The following FCRL4 variants were observed in gnomAD, a reference collection of about 807,000 sequenced individuals.
FCRL4 encodes the protein Fc receptor like 4.
A neutral mutation model predicts 64.1 loss-of-function variants in FCRL4; 43 were observed. That is an observed-to-expected ratio of 0.67 (90% confidence interval 0.53 to 0.87). FCRL4 has a LOEUF of 0.87. Ranked by LOEUF, FCRL4 falls within the 40% of genes least tolerant of loss-of-function variation. FCRL4 has a pLI of 0.00. For missense variants in FCRL4, 656 were observed against 613.5 expected, an observed-to-expected ratio of 1.07 and a Z score of -0.73; for synonymous variants, 253 against 239.8, an observed-to-expected ratio of 1.05 and a Z score of -0.51.
chr1:157,575,478 A>C lies in FCRL4; in HGVS notation c.*46T>G, dbSNP rs1652380998. 6.8e-7 allele frequency: 1 copy of C among 1,460,272 alleles called. No homozygotes were observed. Among genetic ancestry groups the C allele is most frequent in the South Asian group, 1.2e-5 (1 of 86,176 alleles). The allele number at this position is 1,460,272 out of a possible 1,614,324, so 90.5% of individuals were successfully genotyped here. ...TGCACTGGGCCTGGGACTTTGGACA[A>C]GGGAGAAATCACATGAGTAGGACGT... On this transcript the variant is annotated 3_prime_UTR_variant, in exon 12 of 12. Coordinates refer to ENST00000271532, the MANE Select transcript of FCRL4 (RefSeq NM_031282.3).
chr1:157,597,973 G>A lies in FCRL4; in HGVS notation c.-29C>T, dbSNP rs1163429502. 2 of 1,604,816 alleles carry A rather than the reference G, an allele frequency of 1.2e-6. No individual in the cohort carries two copies. On this transcript the variant is annotated 5_prime_UTR_variant, in exon 1 of 12. Coordinates refer to ENST00000271532, the MANE Select transcript of FCRL4 (RefSeq NM_031282.3). ...AGCCTGCTCCAGGATTGGAGAAGGA[G>A]TTCTGAGGAGACAAGCCAGGTCAGC... is the stretch of plus-strand genomic sequence containing the variant.
At chr1:157,585,286 C>CTCTT (rs976813226) in intron 6 of FCRL4, among the ~76,000 whole-genome samples, 7 of 148,300 alleles carry the variant, frequency 4.7e-5, no homozygotes, top group Non-Finnish European at 1.0e-4. Flanking sequence ...CTTCCTTTCC[C>CTCTT]TCTTTCTTTC....
intron 10 of FCRL4, among the ~76,000 whole-genome samples, chr1:157,577,803 A>G (rs1434086682): frequency 1.3e-5 from 2 of 152,210 alleles, no homozygotes; most frequent in Non-Finnish European, 2.9e-5. Flanking sequence ...ACTACCAGAA[A>G]AGAACAGGCA....
chr1:157,591,388 A>C (rs1279443583), intron 2 of FCRL4, among the ~76,000 whole-genome samples: 1 of 152,170 alleles, frequency 6.6e-6, no homozygotes, highest in Non-Finnish European at 1.5e-5. Flanking sequence ...TAAACCTAAC[A>C]TAGATAGAGG....
In FCRL4 at chr1:157,578,726, C is replaced by T. The variant is rs373976360; in HGVS notation, c.1360+44G>A. 2.5e-6 allele frequency: 4 copies of T among 1,591,394 alleles called. No homozygotes were observed. In the African/African-American group the frequency reaches 5.4e-5, roughly 21 times the overall value. ...CCAGGGCTGAAAGCGCATTATCTTT[C>T]CATGGCTGAGGCCAGGAACAGCTTC... On this transcript the variant is annotated intron_variant, in intron 9 of 11. Coordinates refer to ENST00000271532, the MANE Select transcript of FCRL4 (RefSeq NM_031282.3).
Position 157,589,344 on chromosome 1 carries a change from G to A in FCRL4, c.167C>T (p.Thr56Ile), listed in dbSNP as rs749120669. The A allele has an allele frequency of 6.8e-6, 11 of 1,614,092 alleles. No homozygotes were observed. The highest frequency in any genetic ancestry group is 1.1e-5 in the South Asian group (1 of 91,086). ...TCCCCAGTAGTGCCGATGATACCATGTTGTTTTCTCTGTTGCATAGAACTG... is the reference window on the plus strand; with the variant it reads ...TCCCCAGTAGTGCCGATGATACCATATTGTTTTCTCTGTTGCATAGAACTG... Reference protein sequence around the residue: ...GFQFYATEKTTWYHRHYWGEK... With the variant: ...GFQFYATEKTIWYHRHYWGEK... The change falls in exon 3 of 12, where the codon ACA (threonine) becomes ATA (isoleucine). Residue 56 changes from threonine (T) to isoleucine (I), a missense_variant. By Grantham distance (89) the Thr-to-Ile change is moderately conservative (BLOSUM62 -1). Transcript: ENST00000271532.
intron 6 of FCRL4, among the ~76,000 whole-genome samples, chr1:157,583,549 G>T (rs569430948): frequency 6.6e-6 from 1 of 152,186 alleles, no homozygotes; most frequent in Non-Finnish European, 1.5e-5. Context: ...ACACCAGAAA[G>T]GTTGTGCTGC....
chr1:157,579,586 T>C (rs1238608409), intron 8 of FCRL4, among the ~76,000 whole-genome samples: 1 of 151,922 alleles, frequency 6.6e-6, no homozygotes, highest in Non-Finnish European at 1.5e-5. Context: ...ATGTGGTGGC[T>C]CATGCCTGTA....
intron 8 of FCRL4, 130 bp downstream of exon 8, chr1:157,580,191 G>T: frequency 2.1e-6 from 2 of 958,352 alleles, no homozygotes; most frequent in Non-Finnish European, 3.3e-6. Context: ...ACAAATTCAT[G>T]GAGTGTGAAA....
At position 157,597,898 on chromosome 1, in the gene FCRL4, C is replaced by T. The variant is rs531443724; in HGVS notation, c.31+16G>A. ...TCAGCTTTGCAGCAAGCAAAGGTCTCCTCCCCATCACTTACCAAAGGCCAG... is the reference window on the plus strand; with the variant it reads ...TCAGCTTTGCAGCAAGCAAAGGTCTTCTCCCCATCACTTACCAAAGGCCAG... On this transcript the variant is annotated intron_variant, in intron 1 of 11. Transcript: ENST00000271532. The T allele has an allele frequency of 5.0e-6, 8 of 1,611,624 alleles. No homozygotes were observed. The South Asian group carries it at 5.5e-5, about 11-fold the overall frequency.
intron 1 of FCRL4, among the ~76,000 whole-genome samples, chr1:157,597,004 G>T (rs1385008580): frequency 6.6e-6 from 1 of 152,168 alleles, no homozygotes; most frequent in Admixed American, 6.5e-5. Context: ...TGTAGCCAGG[G>T]CTTAGCACAA....
intron 10 of FCRL4, among the ~76,000 whole-genome samples, chr1:157,577,942 A>G (rs949652727): frequency 6.7e-4 from 102 of 152,130 alleles, no homozygotes; most frequent in African/African-American, 2.4e-3. Context: ...ACTTACCCTA[A>G]CAAAGCTTAA....
At position 157,586,445 on chromosome 1, in the gene FCRL4, C is replaced by A. The variant is rs1652697302; in HGVS notation, c.858G>T (p.Val286=). The change falls in exon 6 of 12, where the codon GTG becomes GTT. Residue 286 remains valine, a synonymous_variant. Coordinates refer to ENST00000271532, the MANE Select transcript of FCRL4 (RefSeq NM_031282.3). The part of the protein sequence containing the change: ...SLQIHVQRIP[V]SGVLLETQPS... ...GCTGGGTCTCCAGGAGCACCCCAGACACAGGGATCCCTATGTGAAAATGAG... is the reference window on the plus strand; with the variant it reads ...GCTGGGTCTCCAGGAGCACCCCAGAAACAGGGATCCCTATGTGAAAATGAG... 6.2e-7 allele frequency: 1 copy of A among 1,606,954 alleles called. No homozygotes were observed. The highest frequency in any genetic ancestry group is 1.7e-5 in the Admixed American group (1 of 59,676).
intron 7 of FCRL4, 154 bp from the exon 8 acceptor site, chr1:157,580,502 A>G (rs1652536359): frequency 2.6e-6 from 2 of 759,796 alleles, no homozygotes; most frequent in African/African-American, 3.5e-5. Context: ...TGAAAAAAAG[A>G]TTGTACAAAG....
intron 5 of FCRL4, among the ~76,000 whole-genome samples, chr1:157,586,797 A>C (rs1012093067): frequency 3.3e-5 from 5 of 152,192 alleles, no homozygotes; most frequent in African/African-American, 1.2e-4. Context: ...ATCTGTTTTC[A>C]AAAGTCATAA....
chr1:157,595,488 C>T (rs1229556710), intron 2 of FCRL4, among the ~76,000 whole-genome samples: 1 of 152,246 alleles, frequency 6.6e-6, no homozygotes, highest in Non-Finnish European at 1.5e-5. Flanking sequence ...AGGGACATAA[C>T]TTTTCATGGC....
intron 1 of FCRL4, among the ~76,000 whole-genome samples, chr1:157,596,806 T>C (rs556373170): frequency 7.2e-4 from 109 of 152,296 alleles, no homozygotes; most frequent in Non-Finnish European, 7.1e-4. Context: ...AAGCCTAGTT[T>C]CCAAAGTTAG....
intron 2 of FCRL4, among the ~76,000 whole-genome samples, chr1:157,591,001 A>G (rs1652827183): frequency 6.6e-6 from 1 of 152,224 alleles, no homozygotes; most frequent in Non-Finnish European, 1.5e-5. Context: ...TGGTTCCCCA[A>G]ATATACCAAT....
intron 2 of FCRL4, among the ~76,000 whole-genome samples, chr1:157,594,026 G>T (rs905884354): frequency 6.6e-6 from 1 of 152,100 alleles, no homozygotes; most frequent in African/African-American, 2.4e-5. Context: ...TTATAAACTC[G>T]GTAAAAGTTA....
Sources: allele counts gnomAD v4.1 joint callset (sites outside exome capture counted in the v4.1 genomes callset), GRCh38; gene constraint gnomAD v4.1.1; transcripts MANE v1.5; gene names NCBI Gene and HGNC (gene_info 2026-07-23, HGNC 2026-07-21).